The following MRTFB variants were observed in gnomAD, a reference collection of about 807,000 sequenced individuals.
MRTFB encodes the protein myocardin-related transcription factor B.
MRTFB carries 29 observed loss-of-function variants against 104.2 expected under a neutral mutation model. The ratio of observed to expected loss-of-function variants is 0.28; its 90% CI spans 0.21 to 0.38. MRTFB has a LOEUF of 0.38. MRTFB is among the 10% of genes least tolerant of loss of function. The pLI, the probability that MRTFB is intolerant of heterozygous loss-of-function variation, is 1.00. For missense variants in MRTFB, 1,270 were observed against 1,341.6 expected (o/e 0.95, Z 0.83); for synonymous variants, 535 against 519.5 (o/e 1.03, Z -0.41).
chr16:14,136,731 T>G (rs1031866331), intron 2 of MRTFB, among the ~76,000 whole-genome samples: 5 of 151,928 alleles, frequency 3.3e-5, no homozygotes, highest in Admixed American at 1.3e-4. Context: ...AGATGAAAAA[T>G]GAAAGTGTAA....
intron 2 of MRTFB, among the ~76,000 whole-genome samples, chr16:14,137,228 C>T (rs1229635917): frequency 1.3e-5 from 2 of 151,954 alleles, no homozygotes; most frequent in Non-Finnish European, 2.9e-5. Flanking sequence ...TAGTCTATAC[C>T]CTCTCAAAAA....
chr16:14,235,304 G>A (rs879270526), intron 9 of MRTFB, among the ~76,000 whole-genome samples: 2 of 152,192 alleles, frequency 1.3e-5, no homozygotes, highest in Non-Finnish European at 2.9e-5. Context: ...CCCATCTTCT[G>A]TTGCTTAGCA....
chr16:14,059,760 G>C, the MRTFB span, among the ~76,000 whole-genome samples: 4 of 152,138 alleles, frequency 2.6e-5, no homozygotes, highest in Non-Finnish European at 5.9e-5. Flanking sequence ...CATGTGCCTA[G>C]AAAGAGAAGC....
At chr16:14,136,332 T>C (rs928364453) in intron 2 of MRTFB, among the ~76,000 whole-genome samples, 1 of 152,196 alleles carries the variant, frequency 6.6e-6, no homozygotes, top group Non-Finnish European at 1.5e-5. Context: ...ATCCTACTTA[T>C]GTTCTACTAC....
rs2043936000 is a variant in MRTFB at position 14,266,005 on chromosome 16, G to T, written c.*4561G>T. The stretch of plus-strand genomic sequence containing the variant: ...CTTGCTAATTTGGTAGGAAGAGGAA[G>T]CATTTAGGAAAGGGTTTAGTATCTA... On this transcript the variant is annotated 3_prime_UTR_variant, in exon 17 of 17. Coordinates refer to ENST00000571589, the MANE Select transcript of MRTFB (RefSeq NM_001308142.2). 1 of 152,194 alleles carries T rather than the reference G, an allele frequency of 6.6e-6. No homozygotes were observed. 9.4% of individuals were successfully genotyped at this position (152,194 alleles called of 1,614,324 possible).
the MRTFB span, among the ~76,000 whole-genome samples, chr16:14,021,444 GT>G: frequency 6.6e-6 from 1 of 152,144 alleles, no homozygotes; most frequent in Non-Finnish European, 1.5e-5. Flanking sequence ...ATTTCCATAA[GT>G]TTTTGGGGAA....
rs554656071 is a variant in MRTFB, at chr16:14,152,936, T to C, written c.154+12176T>C. 5 of 152,326 alleles carry C rather than the reference T, an allele frequency of 3.3e-5. No homozygotes were observed. In the South Asian group the frequency reaches 1.0e-3, roughly 32 times the overall value. The allele number at this position is 152,326 out of a possible 1,614,324, so 9.4% of individuals were successfully genotyped here. A position where few individuals can be genotyped will look rare whatever the true frequency, so the allele number is the denominator to read the frequency against. ...ATCTGATTCTGTTGTAGGAATGTAA[T>C]ATATTTTGGGAATGAGTTTAAAAAT... On this transcript the variant is annotated intron_variant, in intron 3 of 16. Transcript: ENST00000571589.
chr16:14,110,836 A>G (rs777794018), intron 2 of MRTFB, among the ~76,000 whole-genome samples: 10 of 151,984 alleles, frequency 6.6e-5, no homozygotes, highest in African/African-American at 2.2e-4. Flanking sequence ...ACTTGCCCCT[A>G]TTCCCAGCGT....
the MRTFB span, among the ~76,000 whole-genome samples, chr16:14,054,792 G>T: frequency 6.6e-6 from 1 of 152,118 alleles, no homozygotes; most frequent in Non-Finnish European, 1.5e-5. Context: ...CTCCCCCAAG[G>T]AATGGAAGCT....
At chr16:14,103,002 C>G (rs144004998) in intron 2 of MRTFB, among the ~76,000 whole-genome samples, 399 of 152,284 alleles carry the variant, frequency 2.6e-3, no homozygotes, top group African/African-American at 8.9e-3. Flanking sequence ...AGTGCCCTCT[C>G]TTTCTTCCAC....
chr16:14,247,070 G>T lies in MRTFB; in HGVS notation c.1810G>T (p.Val604Phe), dbSNP rs376599039. 1 of 1,614,172 alleles carries T rather than the reference G, an allele frequency of 6.2e-7. No individual in the cohort carries two copies. The highest frequency in any genetic ancestry group is 8.5e-7 in the Non-Finnish European group (1 of 1,180,038). ...GGAAGTGCTGAAAATGCAACTTGAG[G>T]TTGAAAAACGAGGGCAGCAGCAGCG... Reference protein sequence around the residue: ...LVEVLKMQLEVEKRGQQQRPL... With the variant: ...LVEVLKMQLEFEKRGQQQRPL... The change falls in exon 12 of 17, where the codon GTT becomes TTT. Residue 604 changes from valine to phenylalanine, a missense_variant. This residue lies in a region of MRTFB where 1,144 missense variants were observed against 1,131.5 expected (regional missense o/e 1.01). Transcript: ENST00000571589.
At chr16:14,112,472 A>G (rs775617294) in intron 2 of MRTFB, among the ~76,000 whole-genome samples, 1 of 152,244 alleles carries the variant, frequency 6.6e-6, no homozygotes, top group Non-Finnish European at 1.5e-5. Context: ...GCTCGCCTCC[A>G]AGCCTAGTAA....
At chr16:14,235,340 G>A (rs1339958772) in intron 9 of MRTFB, among the ~76,000 whole-genome samples, 9 of 152,140 alleles carry the variant, frequency 5.9e-5, no homozygotes, top group Non-Finnish European at 1.3e-4. Context: ...CCAGAGGGTT[G>A]CAAGTGGCAA....
intron 8 of MRTFB, among the ~76,000 whole-genome samples, chr16:14,233,585 C>T (rs961751023): frequency 2.0e-5 from 3 of 151,842 alleles, no homozygotes; most frequent in African/African-American, 7.3e-5. Flanking sequence ...GTCAGGAGTT[C>T]AAGACCCAGC....
chr16:14,094,910 AGCTTTATGCTAATTATTT>A (rs1260871230), intron 2 of MRTFB, among the ~76,000 whole-genome samples: 1 of 152,212 alleles, frequency 6.6e-6, no homozygotes, highest in Non-Finnish European at 1.5e-5. Context: ...TTTTTGTTAC[AGCTTTATGCTAATTATTT>A]GCTTGTATGA....
At chr16:14,079,889 T>C (rs886950163) in intron 2 of MRTFB, among the ~76,000 whole-genome samples, 1 of 152,162 alleles carries the variant, frequency 6.6e-6, no homozygotes. Context: ...AATCTATCTA[T>C]GGATATAGAA....
intron 3 of MRTFB, among the ~76,000 whole-genome samples, chr16:14,183,067 A>G (rs1190346603): frequency 6.6e-6 from 1 of 152,208 alleles, no homozygotes; most frequent in South Asian, 2.1e-4. Flanking sequence ...GAATAATTAT[A>G]TACAAAAAGA....
At chr16:14,081,539 C>T (rs973749467) in intron 2 of MRTFB, among the ~76,000 whole-genome samples, 3 of 152,122 alleles carry the variant, frequency 2.0e-5, no homozygotes, top group Non-Finnish European at 2.9e-5. Context: ...ATGATCCACC[C>T]GCCTCGGCCT....
At chr16:14,006,922 T>G in the MRTFB span, among the ~76,000 whole-genome samples, 1 of 151,564 alleles carries the variant, frequency 6.6e-6, no homozygotes, top group South Asian at 2.1e-4. Context: ...GAGGCTGAGG[T>G]GGGGGGATTG....
Sources: allele counts gnomAD v4.1 joint callset (sites outside exome capture counted in the v4.1 genomes callset), GRCh38; gene constraint gnomAD v4.1.1; regional missense constraint gnomAD v4.1.1; transcripts MANE v1.5; gene names NCBI Gene and HGNC (gene_info 2026-07-23, HGNC 2026-07-21).